Variants in BBS9 observed in about 807,000 individuals in gnomAD.
The protein encoded by BBS9 is protein PTHB1.
In BBS9, 89 loss-of-function variants were observed where a neutral mutation model predicts 117.7. The observed-to-expected ratio is 0.76, with a 90% confidence interval of 0.64 to 0.90. The LOEUF is 0.90. BBS9 is among the 40% of genes least tolerant of loss of function. The pLI is 0.00. For synonymous variants in BBS9, 379 were observed against 370.9 expected (o/e 1.02, Z -0.25); for missense variants, 982 against 1,042.2 (o/e 0.94, Z 0.80).
rs1488400311 is a variant in BBS9 at position 33,247,519 on chromosome 7, T to C, written c.443-9717T>C. Among the ~76,000 whole-genome samples, 7 of 152,328 alleles carry C rather than the reference T, an allele frequency of 4.6e-5. No homozygotes were observed. In the East Asian group the frequency reaches 1.4e-3, roughly 29 times the overall value. On this transcript the variant is annotated intron_variant, in intron 5 of 22. Transcript: ENST00000242067. Reference sequence around the variant, plus strand: ...CCATGTCTCGATGCATGGTGTTCCATCTGCTTTTGCTTCTCTAATTGCTTG... The same window carrying C: ...CCATGTCTCGATGCATGGTGTTCCACCTGCTTTTGCTTCTCTAATTGCTTG...
intron 5 of BBS9, among the ~76,000 whole-genome samples, chr7:33,190,900 T>A (rs1162625319): frequency 6.6e-6 from 1 of 152,140 alleles, no homozygotes; most frequent in Non-Finnish European, 1.5e-5. Context: ...AATAATTAAC[T>A]GTGGTGAATC....
In BBS9 at chr7:33,257,404, G is replaced by C. The variant is rs1418831666; in HGVS notation, c.611G>C (p.Ser204Thr). 3.1e-6 allele frequency: 5 copies of C among 1,613,692 alleles called. No homozygotes were observed. The South Asian group carries it at 4.4e-5, about 14-fold the overall frequency. The part of the protein sequence containing the change: ...LTVSSCQQVE[S>T]YKYQVLAFAT... ...GTCTCTTCCTGCCAACAAGTGGAAA[G>C]TTATAAGTAAGTTTGGATGTTAAGT... Residue 204 changes from serine to threonine, a missense_variant, in exon 6 of 23, where the codon AGT (serine) becomes ACT (threonine). By Grantham distance (58) the Ser-to-Thr change is moderately conservative (BLOSUM62 1). Coordinates refer to ENST00000242067, the MANE Select transcript of BBS9 (RefSeq NM_198428.3).
chr7:33,407,775 G>C (rs1330535299), intron 19 of BBS9, among the ~76,000 whole-genome samples: 1 of 152,230 alleles, frequency 6.6e-6, no homozygotes, highest in Non-Finnish European at 1.5e-5. Flanking sequence ...CAATGCTGCT[G>C]TCTGACTGTT....
intron 15 of BBS9, 193 bp from the exon 16 acceptor site, chr7:33,357,662 C>A (rs190579743): frequency 2.9e-6 from 2 of 689,978 alleles, no homozygotes; most frequent in East Asian, 5.5e-5. Context: ...TTATTTTTGC[C>A]TTGTACCTTT....
At chr7:33,607,259 G>A (rs1864628869), downstream of BBS9, among the ~76,000 whole-genome samples, 1 of 152,108 alleles carries the variant, frequency 6.6e-6, no homozygotes, top group Non-Finnish European at 1.5e-5. Context: ...GAACATTGTG[G>A]TCTAACCTTC....
intron 21 of BBS9, among the ~76,000 whole-genome samples, chr7:33,555,468 C>T (rs1028470545): frequency 6.6e-6 from 1 of 152,106 alleles, no homozygotes; most frequent in Non-Finnish European, 1.5e-5. Context: ...TACTCAATTA[C>T]AAAATGAGAG....
intron 17 of BBS9, among the ~76,000 whole-genome samples, chr7:33,382,634 A>G (rs184850065): frequency 6.6e-6 from 1 of 152,306 alleles, no homozygotes; most frequent in Non-Finnish European, 1.5e-5. Context: ...TAAGATTAAT[A>G]TCTAGTGTTC....
rs1422030068 is a variant in BBS9 at position 33,605,192 on chromosome 7, C to G, written c.2633-3C>G. 2 of 1,610,998 alleles carry G rather than the reference C, an allele frequency of 1.2e-6. No homozygotes were observed. The highest frequency in any genetic ancestry group is 2.2e-5 in the South Asian group (2 of 91,016). On this transcript the variant is annotated splice_region_variant and splice_polypyrimidine_tract_variant and intron_variant, in intron 22 of 22. Coordinates refer to ENST00000242067, the MANE Select transcript of BBS9 (RefSeq NM_198428.3). The stretch of plus-strand genomic sequence containing the variant: ...CTTTCTCTCTTACTCTCTTTTTTTC[C>G]AGAAGTTTCACCCCTCCAAGGAGTC...
chr7:33,193,391 G>C (rs1022112743), intron 5 of BBS9, among the ~76,000 whole-genome samples: 5 of 145,318 alleles, frequency 3.4e-5, no homozygotes, highest in Admixed American at 6.8e-5. Context: ...TCTGTCTTTC[G>C]CATATTGTCT....
intron 21 of BBS9, among the ~76,000 whole-genome samples, chr7:33,611,791 A>G (rs1864889672): frequency 1.4e-5 from 2 of 139,574 alleles, no homozygotes; most frequent in East Asian, 4.1e-4. Flanking sequence ...AATATTATAT[A>G]TGGTATATAT....
At chr7:33,352,717 C>T (rs184464618) in intron 14 of BBS9, 142 bp from the exon 15 acceptor site, 2 of 900,442 alleles carry the variant, frequency 2.2e-6, no homozygotes, top group Non-Finnish European at 3.6e-6. Context: ...TTTGGAGAGT[C>T]ATTTAAGTCA....
chr7:33,419,618 T>A (rs969430895), intron 19 of BBS9, among the ~76,000 whole-genome samples: 6 of 152,186 alleles, frequency 3.9e-5, no homozygotes, highest in Admixed American at 6.5e-5. Context: ...TAGATAACTT[T>A]TTTTGTATTT....
chr7:33,405,733 CTT>C (rs1224189137), intron 19 of BBS9, among the ~76,000 whole-genome samples: 2 of 152,130 alleles, frequency 1.3e-5, no homozygotes, highest in African/African-American at 4.8e-5. Flanking sequence ...ATTCTTCTCT[CTT>C]TTCTTCTTTA....
intron 19 of BBS9, among the ~76,000 whole-genome samples, chr7:33,426,465 T>C (rs1833674263): frequency 6.6e-6 from 1 of 152,156 alleles, no homozygotes; most frequent in Non-Finnish European, 1.5e-5. Context: ...TAGCTAACCT[T>C]GTACAAGAGA....
At chr7:33,618,906 A>G (rs1446782853) in intron 21 of BBS9, among the ~76,000 whole-genome samples, 4 of 152,200 alleles carry the variant, frequency 2.6e-5, no homozygotes, top group African/African-American at 7.2e-5. Context: ...GCTTACCACT[A>G]TGAAAAAAAT....
At chr7:33,581,199 T>G (rs1479149362) in intron 21 of BBS9, among the ~76,000 whole-genome samples, 1 of 152,052 alleles carries the variant, frequency 6.6e-6, no homozygotes, top group Non-Finnish European at 1.5e-5. Flanking sequence ...TGTACTTGCT[T>G]CGGGGAAAAA....
chr7:33,529,106 A>T (rs895373636), intron 20 of BBS9, among the ~76,000 whole-genome samples: 7 of 152,224 alleles, frequency 4.6e-5, no homozygotes, highest in Non-Finnish European at 1.0e-4. Flanking sequence ...AGGCAAGGCC[A>T]GGTCCTTGAA....
At chr7:33,629,508 T>G (rs1043932997) in intron 21 of BBS9, among the ~76,000 whole-genome samples, 1 of 152,312 alleles carries the variant, frequency 6.6e-6, no homozygotes, top group Admixed American at 6.5e-5. Flanking sequence ...GGACTCTTCC[T>G]GAACCTCTGT....
chr7:33,346,176 C>A, intron 12 of BBS9: 1 of 436,988 alleles, frequency 2.3e-6, no homozygotes, highest in Non-Finnish European at 4.7e-6. Flanking sequence ...CTGACAGTTT[C>A]TATACAAATT....
Sources: allele counts gnomAD v4.1 joint callset (sites outside exome capture counted in the v4.1 genomes callset), GRCh38; gene constraint gnomAD v4.1.1; transcripts MANE v1.5; gene names NCBI Gene and HGNC (gene_info 2026-07-23, HGNC 2026-07-21).